The following WDR31 variants were observed in gnomAD, a reference collection of about 807,000 sequenced individuals.
WDR31 encodes the protein WD repeat domain 31.
WDR31 carries 30 observed loss-of-function variants against 47.3 expected under a neutral mutation model. The observed-to-expected ratio is 0.63, with a 90% CI of 0.47 to 0.86. The LOEUF is 0.86. Among genes scored for constraint, WDR31 ranks in the 40% least tolerant of loss-of-function variants. The pLI, the probability that WDR31 is intolerant of heterozygous loss-of-function variation, is 0.00. For missense variants in WDR31, 406 were observed against 442.9 expected (o/e 0.92, Z 0.75); for synonymous variants, 137 against 159.4 (o/e 0.86, Z 1.06).
rs142141113 is a variant in WDR31 at position 113,334,942 on chromosome 9, G to T, written c.-29+1346C>A. ...ATGTCAAATGATGGTAGCAGAGCAGGATTCGAACTCAATCTATAACCTACA... is the reference window on the plus strand; with the variant it reads ...ATGTCAAATGATGGTAGCAGAGCAGTATTCGAACTCAATCTATAACCTACA... On this transcript the variant is annotated intron_variant, in intron 2 of 10. Coordinates refer to ENST00000374193, the MANE Select transcript of WDR31 (RefSeq NM_001012361.4). Among the ~76,000 whole-genome samples, 907 of 152,152 alleles carry T rather than the reference G, an allele frequency of 6.0e-3. 10 individuals are homozygous for T. The highest frequency in any genetic ancestry group is 0.021 in the African/African-American group (855 of 41,500).
intron 10 of WDR31, 124 bp downstream of exon 10, chr9:113,318,351 A>G: frequency 3.6e-6 from 4 of 1,105,492 alleles, no homozygotes; most frequent in Non-Finnish European, 4.0e-6. Context: ...CCTCTTAAGC[A>G]TGAGACTGGA....
In WDR31 at chr9:113,335,661, C is replaced by T. The variant is rs10817483; in HGVS notation, c.-29+627G>A. 6.6e-5 allele frequency among the ~76,000 whole-genome samples: 10 copies of T among 151,868 alleles called. No homozygotes were observed. In the South Asian group the frequency reaches 8.3e-4, roughly 13 times the overall value. ...GAAGTTGCTAGAATTGACTTCCTGA[C>T]GAGAATAGGTAACCAATACAGAAAA... On this transcript the variant is annotated intron_variant, in intron 2 of 10. Coordinates refer to ENST00000374193, the MANE Select transcript of WDR31 (RefSeq NM_001012361.4).
At chr9:113,324,828 A>G (rs12352224) in intron 5 of WDR31, among the ~76,000 whole-genome samples, 2,839 of 138,052 alleles carry the variant, frequency 0.021, 87 homozygotes, top group African/African-American at 0.064. Context: ...ATATATATAT[A>G]TGTGTGTGTG....
At chr9:113,322,018 C>T (rs2118789538) in intron 7 of WDR31, among the ~76,000 whole-genome samples, 1 of 152,146 alleles carries the variant, frequency 6.6e-6, no homozygotes, top group South Asian at 2.1e-4. Flanking sequence ...TTCTTTTCTT[C>T]CAGTAACCTC....
At position 113,314,048 on chromosome 9, in the gene WDR31, T is replaced by C. The variant is rs1833133567; in HGVS notation, c.*2701A>G. Reference sequence around the variant, plus strand: ...GATGGCGGGCGCCTGTAGTCCCAGCTATTCGGGAGGCTGAGGCAGGAGAAT... The same window carrying C: ...GATGGCGGGCGCCTGTAGTCCCAGCCATTCGGGAGGCTGAGGCAGGAGAAT... On this transcript the variant is annotated 3_prime_UTR_variant, in exon 11 of 11. Transcript: ENST00000374193. The C allele has an allele frequency of 6.7e-6, 1 of 148,336 alleles. No individual in the cohort carries two copies. Among genetic ancestry groups the C allele is most frequent in the South Asian group, 2.1e-4 (1 of 4,686 alleles). 9.2% of individuals were successfully genotyped at this position (148,336 alleles called of 1,614,324 possible).
chr9:113,326,173 A>C (rs1012887291), intron 5 of WDR31, among the ~76,000 whole-genome samples: 2 of 152,152 alleles, frequency 1.3e-5, no homozygotes, highest in African/African-American at 4.8e-5. Context: ...GGCCTCCCAA[A>C]ATGCTGGGAT....
In WDR31 at chr9:113,316,823, A is replaced by G; in HGVS notation, c.1030T>C (p.Phe344Leu). 6.2e-7 allele frequency: 1 copy of G among 1,614,166 alleles called. No individual in the cohort carries two copies. Among genetic ancestry groups the G allele is most frequent in the Non-Finnish European group, 8.5e-7 (1 of 1,180,026 alleles). The change falls in exon 11 of 11, where the codon TTT becomes CTT. Residue 344 changes from phenylalanine to leucine, a missense_variant. Transcript: ENST00000374193. ...GDAISLLCAS[F>L]NRGIHLLRMD... The stretch of plus-strand genomic sequence containing the variant: ...CTGAGTAAGTGAATTCCTCTGTTAA[A>G]ACTTGCACACAATAAGGAGATGGCG...
At chr9:113,319,169 G>A (rs7038589) in intron 9 of WDR31, among the ~76,000 whole-genome samples, 18,800 of 152,276 alleles carry the variant, frequency 0.12, 1,244 homozygotes, top group Non-Finnish European at 0.14. Context: ...CTACAAGAGG[G>A]AAGTGCCAGT....
Position 113,316,732 on chromosome 9 carries a change from G to A in WDR31, c.*17C>T. 1.9e-6 allele frequency: 3 copies of A among 1,611,110 alleles called. No individual in the cohort carries two copies. The highest frequency in any genetic ancestry group is 2.5e-6 in the Non-Finnish European group (3 of 1,178,452). ...AGGAGCCATGGTTTGATATTGTCCA[G>A]TGAGTGTCTCTTGGCCTCAGAATGC... On this transcript the variant is annotated 3_prime_UTR_variant, in exon 11 of 11. Transcript: ENST00000374193.
rs140363872 is a variant in WDR31 at position 113,335,172 on chromosome 9, G to T, written c.-29+1116C>A. ...GGCTAGAACTGAAAAGAAAGAGAAT[G>T]AATTATGCATTCAAAGGTGCTCCTC... is the stretch of plus-strand genomic sequence containing the variant. On this transcript the variant is annotated intron_variant, in intron 2 of 10. Coordinates refer to ENST00000374193, the MANE Select transcript of WDR31 (RefSeq NM_001012361.4). Among the ~76,000 whole-genome samples, 907 of 152,308 alleles carry T rather than the reference G, an allele frequency of 6.0e-3. 10 individuals carry two copies. Among genetic ancestry groups the T allele is most frequent in the African/African-American group, 0.021 (862 of 41,568 alleles).
At chr9:113,332,935 C>T (rs1304777065) in intron 2 of WDR31, among the ~76,000 whole-genome samples, 1 of 152,212 alleles carries the variant, frequency 6.6e-6, no homozygotes, top group African/African-American at 2.4e-5. Flanking sequence ...TGGTTCCTTC[C>T]TCTCTTGCCA....
chr9:113,335,600 T>TG (rs1300788280), intron 2 of WDR31, among the ~76,000 whole-genome samples: 6 of 152,092 alleles, frequency 3.9e-5, no homozygotes, highest in Non-Finnish European at 8.8e-5. Flanking sequence ...ATTAAAAAAA[T>TG]GGAGTTTTCC....
At chr9:113,329,096 C>CTGTT in intron 4 of WDR31, 141 bp from the exon 5 acceptor site, 1 of 720,370 alleles carries the variant, frequency 1.4e-6, no homozygotes, top group East Asian at 2.7e-5. Flanking sequence ...TCGGGGTTCC[C>CTGTT]TGTTGTGGCC....
chr9:113,327,422 C>CAG (rs1168858524), intron 5 of WDR31, among the ~76,000 whole-genome samples: 1 of 140,100 alleles, frequency 7.1e-6, no homozygotes. Context: ...GTTACATGCA[C>CAG]ACACACACAC....
At position 113,320,367 on chromosome 9, in the gene WDR31, C is replaced by G. The variant is rs41307479; in HGVS notation, c.770G>C (p.Cys257Ser). The G allele has an allele frequency of 0.2, 317,174 of 1,613,964 alleles. 33,382 individuals are homozygous for G. Among genetic ancestry groups the G allele is most frequent in the Non-Finnish European group, 0.22 (255,805 of 1,179,896 alleles). ...CACACAGTCTCCTACCGTGGCTTCA[C>G]AGCCTTCTCCTCCAAAGCCATTGCT... ...SCSNGFGGEG[C>S]EATLWDLRQT... Residue 257 changes from cysteine (C) to serine (S), a missense_variant, in exon 9 of 11, where the codon TGT becomes TCT. Coordinates refer to ENST00000374193, the MANE Select transcript of WDR31 (RefSeq NM_001012361.4).
At chr9:113,324,942 T>C (rs1833428058) in intron 5 of WDR31, among the ~76,000 whole-genome samples, 1 of 151,888 alleles carries the variant, frequency 6.6e-6, no homozygotes, top group East Asian at 1.9e-4. Context: ...ATTAGATATG[T>C]CTTATTTTTT....
intron 1 of WDR31, among the ~76,000 whole-genome samples, chr9:113,338,173 T>A (rs1833757272): frequency 6.6e-6 from 1 of 152,230 alleles, no homozygotes. Flanking sequence ...ATTTTCACCC[T>A]TGTTAATACT....
At chr9:113,316,945 G>C in intron 10 of WDR31, 36 bp from the exon 11 acceptor site, 4 of 1,606,864 alleles carry the variant, frequency 2.5e-6, no homozygotes, top group Non-Finnish European at 2.6e-6. Context: ...ATTAGGCCAA[G>C]AGTGTAGCAT....
chr9:113,326,065 C>CCACA (rs1833457775), intron 5 of WDR31, among the ~76,000 whole-genome samples: 1 of 152,182 alleles, frequency 6.6e-6, no homozygotes, highest in East Asian at 1.9e-4. Context: ...GCATGCGCCA[C>CCACA]CACACCTGGC....
Sources: gnomAD v4.1 joint callset for allele counts (sites outside exome capture counted in the v4.1 genomes callset) on GRCh38, gnomAD v4.1.1 for gene constraint, MANE v1.5 for transcripts, NCBI Gene and HGNC (gene_info 2026-07-23, HGNC 2026-07-21) for gene names.